The following FHDC1 variants were observed in gnomAD, a reference collection of about 807,000 sequenced individuals.
The protein encoded by FHDC1 is FH2 domain-containing protein 1.
A neutral mutation model predicts 52.6 loss-of-function variants in FHDC1; 25 were observed. The ratio of observed to expected loss-of-function variants is 0.48; its 90% confidence interval spans 0.35 to 0.66. The LOEUF is 0.66. Ranked by LOEUF, FHDC1 falls within the 30% of genes least tolerant of loss-of-function variation. The pLI, the probability that FHDC1 is intolerant of heterozygous loss-of-function variation, is 0.01. For synonymous variants in FHDC1, 616 were observed against 581.5 expected (o/e 1.06, Z -0.85); for missense variants, 1,459 against 1,452.8 (o/e 1.00, Z -0.07).
chr4:152,924,414 A>G, the FHDC1 span, among the ~76,000 whole-genome samples: 1 of 152,186 alleles, frequency 6.6e-6, no homozygotes, highest in Non-Finnish European at 1.5e-5. Flanking sequence ...TGTTGGTGGG[A>G]CTGTAAACTA....
Position 152,938,432 on chromosome 4 carries a change from T to A in FHDC1, c.-131+2023T>A, listed in dbSNP as rs377524246. On this transcript the variant is annotated intron_variant, in intron 1 of 11. Transcript: ENST00000511601. ...ACGGTCCGGCTCTGGCCCGACTGCGTAATTGTACCGACTGACATTCTGTGT... is the reference window on the plus strand; with the variant it reads ...ACGGTCCGGCTCTGGCCCGACTGCGAAATTGTACCGACTGACATTCTGTGT... Among the ~76,000 whole-genome samples, 13 of 152,294 alleles carry A rather than the reference T, an allele frequency of 8.5e-5. No homozygotes were observed. The East Asian group carries it at 2.1e-3, about 25-fold the overall frequency.
chr4:152,969,665 G>GTTTT (rs535683350), intron 10 of FHDC1, among the ~76,000 whole-genome samples: 1 of 129,560 alleles, frequency 7.7e-6, no homozygotes. Flanking sequence ...TCTGGCAGTC[G>GTTTT]TTTTTTTTTT....
chr4:152,956,192 C>G (rs1740079596), intron 4 of FHDC1, among the ~76,000 whole-genome samples: 1 of 152,138 alleles, frequency 6.6e-6, no homozygotes, highest in African/African-American at 2.4e-5. Context: ...AAATGATGTA[C>G]TTGCTCTTGA....
chr4:152,939,618 C>T (rs1739520683), intron 1 of FHDC1, among the ~76,000 whole-genome samples: 1 of 152,140 alleles, frequency 6.6e-6, no homozygotes. Flanking sequence ...ATTGAAATTT[C>T]ACATAGTTGA....
intron 8 of FHDC1, among the ~76,000 whole-genome samples, chr4:152,963,862 A>T (rs1281125630): frequency 1.6e-5 from 2 of 123,018 alleles, no homozygotes; most frequent in Non-Finnish European, 3.2e-5. Context: ...AAGGACAGTT[A>T]TATCTTTGTT....
chr4:152,941,430 A>G (rs2149935924), intron 1 of FHDC1, among the ~76,000 whole-genome samples: 1 of 152,378 alleles, frequency 6.6e-6, no homozygotes, highest in East Asian at 1.9e-4. Context: ...ATTGTTATAA[A>G]TAATAGCTAA....
chr4:152,955,689 G>T (rs1283421383), intron 4 of FHDC1, among the ~76,000 whole-genome samples: 1 of 152,158 alleles, frequency 6.6e-6, no homozygotes, highest in Admixed American at 6.5e-5. Context: ...TGTTGTTCAG[G>T]CTGGTCTTGA....
chr4:152,927,694 TGAA>T, the FHDC1 span: 1 of 1,549,554 alleles, frequency 6.5e-7, no homozygotes, highest in Non-Finnish European at 8.9e-7. Flanking sequence ...GAGGCTTAGA[TGAA>T]GATGAGACCA....
At chr4:152,969,062 A>G (rs1740555557) in intron 10 of FHDC1, among the ~76,000 whole-genome samples, 1 of 151,284 alleles carries the variant, frequency 6.6e-6, no homozygotes, top group Admixed American at 6.6e-5. Context: ...GCATAGTCTG[A>G]CATACTTCTT....
chr4:152,976,688 A>T lies in FHDC1; in HGVS notation c.3397A>T (p.Thr1133Ser). The T allele has an allele frequency of 6.6e-7, 1 of 1,519,526 alleles. No homozygotes were observed. The allele number at this position is 1,519,526 out of a possible 1,614,324, so 94.1% of individuals were successfully genotyped here. A position where few individuals can be genotyped will look rare whatever the true frequency, so the allele number is the denominator to read the frequency against. The change falls in exon 12 of 12, where the codon ACG becomes TCG. Residue 1133 changes from threonine to serine, a missense_variant. By Grantham distance (58) the Thr-to-Ser change is moderately conservative (BLOSUM62 1). Transcript: ENST00000511601. ...CCGTCGGAAGGACTCCAGTCGGACCACGCTGGGGAGAATCCTCAATCCCTT... is the reference window on the plus strand; with the variant it reads ...CCGTCGGAAGGACTCCAGTCGGACCTCGCTGGGGAGAATCCTCAATCCCTT... ...SLRRKDSSRT[T>S]LGRILNPLRK is the part of the protein sequence containing the mutation.
At chr4:152,913,772 G>A in the FHDC1 span, among the ~76,000 whole-genome samples, 1 of 152,144 alleles carries the variant, frequency 6.6e-6, no homozygotes, top group Non-Finnish European at 1.5e-5. Flanking sequence ...TCCGCCTCCT[G>A]GGTTCAAGCG....
At chr4:152,957,614 C>T (rs1388119373) in intron 4 of FHDC1, among the ~76,000 whole-genome samples, 1 of 152,244 alleles carries the variant, frequency 6.6e-6, no homozygotes, top group Admixed American at 6.5e-5. Flanking sequence ...TTCATCACCT[C>T]TGCTATCACA....
rs1740984843 is a variant in FHDC1, at chr4:152,978,728, A to G, written c.*2005A>G. The G allele has an allele frequency of 1.3e-5, 2 of 152,178 alleles. No individual in the cohort carries two copies. The highest frequency in any genetic ancestry group is 4.8e-5 in the African/African-American group (2 of 41,428). 9.4% of individuals were successfully genotyped at this position (152,178 alleles called of 1,614,324 possible). ...CTGACATTGGTAGATAGATGGATTTAGGCAAATATGATGCGTTTGTGGGGA... is the reference window on the plus strand; with the variant it reads ...CTGACATTGGTAGATAGATGGATTTGGGCAAATATGATGCGTTTGTGGGGA... On this transcript the variant is annotated 3_prime_UTR_variant, in exon 12 of 12. Coordinates refer to ENST00000511601, the MANE Select transcript of FHDC1 (RefSeq NM_001371116.1).
chr4:152,913,039 T>C, the FHDC1 span, among the ~76,000 whole-genome samples: 4 of 152,212 alleles, frequency 2.6e-5, no homozygotes, highest in Non-Finnish European at 2.9e-5. Flanking sequence ...CTTCAAAATA[T>C]GTTAAACTGA....
chr4:152,939,907 C>T (rs1047127250), intron 1 of FHDC1, among the ~76,000 whole-genome samples: 3 of 152,148 alleles, frequency 2.0e-5, no homozygotes, highest in African/African-American at 7.2e-5. Flanking sequence ...ATTTTCCAGA[C>T]AGAGTGGGGG....
In FHDC1 at chr4:152,976,123, C is replaced by T. The variant is rs140325598; in HGVS notation, c.2832C>T (p.Ser944=). 23 of 1,611,022 alleles carry T rather than the reference C, an allele frequency of 1.4e-5. No individual in the cohort carries two copies. The highest frequency in any genetic ancestry group is 1.6e-5 in the Non-Finnish European group (19 of 1,179,018). ...STDTVWSRQN[S]VRRASTGAEE... is the part of the protein sequence containing the mutation. ...ATACTGTGTGGTCACGCCAGAACTC[C>T]GTGCGGAGGGCCTCCACAGGCGCCG... The change falls in exon 12 of 12, where the codon TCC becomes TCT. Residue 944 remains serine, a synonymous_variant. Transcript: ENST00000511601.
At chr4:152,919,226 T>C in the FHDC1 span, among the ~76,000 whole-genome samples, 1 of 152,348 alleles carries the variant, frequency 6.6e-6, no homozygotes, top group South Asian at 2.1e-4. Context: ...TGAAGGTAAA[T>C]ACTACAAAGA....
At chr4:152,963,809 G>T (rs2149954200) in intron 8 of FHDC1, among the ~76,000 whole-genome samples, 1 of 68,620 alleles carries the variant, frequency 1.5e-5, no homozygotes, top group East Asian at 4.7e-4. Flanking sequence ...TTTTTGACTG[G>T]ATCTCTATAA....
At chr4:152,968,667 G>T (rs988708790) in intron 10 of FHDC1, among the ~76,000 whole-genome samples, 2 of 152,132 alleles carry the variant, frequency 1.3e-5, no homozygotes, top group African/African-American at 4.8e-5. Context: ...GTGCTTCTGC[G>T]AGGCTCCTGT....
Sources: gnomAD v4.1 joint callset for allele counts (sites outside exome capture counted in the v4.1 genomes callset) on GRCh38, gnomAD v4.1.1 for gene constraint, MANE v1.5 for transcripts, NCBI Gene and HGNC (gene_info 2026-07-23, HGNC 2026-07-21) for gene names.